C3orf49: variants seen among roughly 807,000 people sequenced by gnomAD.
C3orf49 encodes the protein putative uncharacterized protein C3orf49.
A neutral mutation model predicts 13.3 loss-of-function variants in C3orf49; 27 were observed. The observed-to-expected ratio is 2.02, with a 90% confidence interval of 1.49 to 2.79. The LOEUF is 2.79. Among genes scored for constraint, C3orf49 ranks in the 30% most tolerant of loss-of-function variants. C3orf49 has a pLI of 0.00. For missense variants in C3orf49, 242 were observed against 134.2 expected (o/e 1.80, Z -3.97); for synonymous variants, 87 against 47.6 (o/e 1.83, Z -3.40).
chr3:63,841,756 A>C (rs780215760), intron 5 of C3orf49, among the ~76,000 whole-genome samples: 3 of 152,242 alleles, frequency 2.0e-5, no homozygotes, highest in Non-Finnish European at 2.9e-5. Flanking sequence ...CAAATAAAAC[A>C]TAGTCCTTGA....
chr3:63,806,743 G>C, the C3orf49 span, among the ~76,000 whole-genome samples: 1 of 151,886 alleles, frequency 6.6e-6, no homozygotes, highest in Non-Finnish European at 1.5e-5. Context: ...CCATTCTTCA[G>C]TTGGCCCTTA....
the C3orf49 span, among the ~76,000 whole-genome samples, chr3:63,799,730 G>A: frequency 6.6e-6 from 1 of 152,110 alleles, no homozygotes; most frequent in Non-Finnish European, 1.5e-5. Context: ...AAAAGCAGGT[G>A]TCATTTTCCC....
chr3:63,793,916 G>T, the C3orf49 span, among the ~76,000 whole-genome samples: 3 of 152,074 alleles, frequency 2.0e-5, no homozygotes, highest in African/African-American at 7.2e-5. Flanking sequence ...AGCATTTACT[G>T]AGGCCAAACA....
chr3:63,797,518 T>C, the C3orf49 span, among the ~76,000 whole-genome samples: 4 of 152,106 alleles, frequency 2.6e-5, no homozygotes, highest in Non-Finnish European at 4.4e-5. Flanking sequence ...AGGACTACCC[T>C]CACAAGACTG....
In C3orf49 at chr3:63,835,469, T is replaced by C. The variant is rs1026077151; in HGVS notation, c.849+3625T>C. The C allele has an allele frequency of 3.1e-6, 4 of 1,282,788 alleles. No individual in the cohort carries two copies. The South Asian group carries it at 4.0e-5, about 13-fold the overall frequency. The allele number at this position is 1,282,788 out of a possible 1,614,324, so 79.5% of individuals were successfully genotyped here. On this transcript the variant is annotated intron_variant, in intron 5 of 6. Transcript: ENST00000295896. Reference sequence around the variant, plus strand: ...AATTAATGCCTAACTTTTAAGTTACTAGATAGGATTTTTAAAATAAAAAAA... The same window carrying C: ...AATTAATGCCTAACTTTTAAGTTACCAGATAGGATTTTTAAAATAAAAAAA...
intron 6 of C3orf49, among the ~76,000 whole-genome samples, chr3:63,846,985 C>G (rs564941936): frequency 1.3e-5 from 2 of 152,234 alleles, no homozygotes; most frequent in African/African-American, 4.8e-5. Flanking sequence ...GGTGCTTCCC[C>G]AAATAAGCAA....
At chr3:63,821,389 C>T (rs932497603) in intron 1 of C3orf49, among the ~76,000 whole-genome samples, 2 of 151,992 alleles carry the variant, frequency 1.3e-5, no homozygotes, top group Non-Finnish European at 2.9e-5. Flanking sequence ...TTGTTTTAAT[C>T]CATATTAGAA....
chr3:63,780,458 G>C, the C3orf49 span, among the ~76,000 whole-genome samples: 9 of 152,180 alleles, frequency 5.9e-5, no homozygotes, highest in Admixed American at 5.9e-4. Context: ...ACGTGTGCAT[G>C]TGTCCTTACA....
chr3:63,809,385 A>C, the C3orf49 span, among the ~76,000 whole-genome samples: 2 of 152,324 alleles, frequency 1.3e-5, no homozygotes, highest in East Asian at 3.9e-4. Flanking sequence ...AGTTTGGGAT[A>C]ATCTGTTGCA....
At chr3:63,779,878 C>G in the C3orf49 span, 1 of 152,224 alleles carries the variant, frequency 6.6e-6, no homozygotes, top group South Asian at 2.1e-4. Context: ...AAGGTTAAAT[C>G]CCCCAGGTTA....
chr3:63,796,682 G>T, the C3orf49 span, among the ~76,000 whole-genome samples: 3 of 152,158 alleles, frequency 2.0e-5, no homozygotes, highest in African/African-American at 7.2e-5. Context: ...CTTATTTCCA[G>T]TTTCTCCTCT....
rs193169977 is a variant in C3orf49, at chr3:63,831,792, A to T, written c.797A>T (p.Lys266Ile). Residue 266 changes from lysine to isoleucine, a missense_variant, in exon 5 of 7, where the codon AAA becomes ATA. By Grantham distance (102) the Lys-to-Ile change is moderately radical (BLOSUM62 -3). Coordinates refer to ENST00000295896, the MANE Select transcript of C3orf49 (RefSeq NM_001355236.2). Reference protein sequence around the residue: ...FLGDEILQSSKQFQRISKRTM... With the variant: ...FLGDEILQSSIQFQRISKRTM... ...GGGGATGAAATTCTTCAGTCTTCTAAACAGTTCCAGAGGATATCCAAGAGA... is the reference window on the plus strand; with the variant it reads ...GGGGATGAAATTCTTCAGTCTTCTATACAGTTCCAGAGGATATCCAAGAGA... 195 of 703,024 alleles carry T rather than the reference A, an allele frequency of 2.8e-4. No individual in the cohort carries two copies. The African/African-American group carries it at 3.1e-3, about 11-fold the overall frequency. 43.5% of individuals were successfully genotyped at this position (703,024 alleles called of 1,614,324 possible). A position where few individuals can be genotyped will look rare whatever the true frequency, so the allele number is the denominator to read the frequency against.
chr3:63,828,358 G>A (rs1243884688), intron 3 of C3orf49, among the ~76,000 whole-genome samples: 1 of 152,148 alleles, frequency 6.6e-6, no homozygotes, highest in African/African-American at 2.4e-5. Flanking sequence ...GGAGTGCAGT[G>A]GCACAATTTC....
chr3:63,838,473 C>T (rs769768544), intron 5 of C3orf49: 2 of 1,609,336 alleles, frequency 1.2e-6, no homozygotes, highest in South Asian at 2.2e-5. Context: ...AGACAGCGTG[C>T]TCAGCATACG....
intron 5 of C3orf49, among the ~76,000 whole-genome samples, chr3:63,841,327 G>T (rs1485921683): frequency 1.3e-5 from 2 of 152,156 alleles, no homozygotes; most frequent in African/African-American, 4.8e-5. Context: ...AGATAGAGGT[G>T]GGAAAAGATA....
Position 63,831,703 on chromosome 3 carries a change from G to T in C3orf49, c.708G>T (p.Val236=). 1.4e-6 allele frequency: 1 copy of T among 703,074 alleles called. No individual in the cohort carries two copies. Among genetic ancestry groups the T allele is most frequent in the South Asian group, 1.5e-5 (1 of 67,572 alleles). The allele number at this position is 703,074 out of a possible 1,614,324, so 43.6% of individuals were successfully genotyped here. Reference sequence around the variant, plus strand: ...AGGTGGATGACCTCATAGAAACAGTGACTGATAAATCCATGAAGCTACTGG... The same window carrying T: ...AGGTGGATGACCTCATAGAAACAGTTACTGATAAATCCATGAAGCTACTGG... ...QMQVDDLIET[V]TDKSMKLLAQ... Residue 236 remains valine, a synonymous_variant, in exon 5 of 7, where the codon GTG becomes GTT. Coordinates refer to ENST00000295896, the MANE Select transcript of C3orf49 (RefSeq NM_001355236.2).
At chr3:63,791,016 T>C in the C3orf49 span, among the ~76,000 whole-genome samples, 1 of 152,170 alleles carries the variant, frequency 6.6e-6, no homozygotes, top group African/African-American at 2.4e-5. Context: ...GGCTTTCATA[T>C]TCATTGAGTG....
At chr3:63,824,702 T>C (rs2107099225) in intron 2 of C3orf49, among the ~76,000 whole-genome samples, 1 of 152,080 alleles carries the variant, frequency 6.6e-6, no homozygotes, top group African/African-American at 2.4e-5. Context: ...TAGTCAGGCA[T>C]GGTGGCATGT....
the C3orf49 span, among the ~76,000 whole-genome samples, chr3:63,810,452 T>A: frequency 2.0e-5 from 3 of 152,206 alleles, no homozygotes; most frequent in African/African-American, 7.2e-5. Context: ...ATCAGGTGAA[T>A]AAATGAATAC....
Sources: allele counts gnomAD v4.1 joint callset (sites outside exome capture counted in the v4.1 genomes callset), GRCh38; gene constraint gnomAD v4.1.1; transcripts MANE v1.5; gene names NCBI Gene and HGNC (gene_info 2026-07-23, HGNC 2026-07-21).